Variants in MOCOS observed in about 807,000 individuals in gnomAD.
MOCOS encodes molybdenum cofactor sulfurase, also known as human molybdenum cofactor sulfurase.
Under a neutral mutation model 83.6 loss-of-function variants are expected in MOCOS, and 86 were observed. That is an observed-to-expected ratio of 1.03 (90% CI 0.86 to 1.23). The LOEUF (loss-of-function observed/expected upper bound fraction) is 1.23. Ranked by LOEUF, MOCOS falls within the 50% of genes most tolerant of loss-of-function variation. The probability of loss-of-function intolerance (pLI) is 0.00; values close to 1 mark genes in which losing one functional copy is unlikely to be tolerated. For synonymous variants in MOCOS, 445 were observed against 434.7 expected (o/e 1.02, Z -0.29); for missense variants, 1,120 against 1,126.9 (o/e 0.99, Z 0.09).
chr18:36,213,510 G>T (rs990388784), intron 7 of MOCOS, 28 bp downstream of exon 7: 1 of 1,581,902 alleles, frequency 6.3e-7, no homozygotes, highest in African/African-American at 1.3e-5. Flanking sequence ...CGATCCAGAC[G>T]CTGGTCAGCG....
Position 36,199,779 on chromosome 18 carries a change from A to G in MOCOS, c.396A>G (p.Pro132=), listed in dbSNP as rs766218146. Reference sequence around the variant, plus strand: ...TCAAACTGGTGGCAGAGGCCTTTCCATGGGTGTCCCAGGGCCCAGAGAGCA... The same window carrying G: ...TCAAACTGGTGGCAGAGGCCTTTCCGTGGGTGTCCCAGGGCCCAGAGAGCA... The part of the protein sequence containing the change: ...AALKLVAEAF[P]WVSQGPESSG... Residue 132 remains proline, a synonymous_variant, in exon 4 of 15, where the codon CCA becomes CCG. Coordinates refer to ENST00000261326, the MANE Select transcript of MOCOS (RefSeq NM_017947.4). 10 of 1,613,964 alleles carry G rather than the reference A, an allele frequency of 6.2e-6. No homozygotes were observed. In the South Asian group the frequency reaches 9.9e-5, roughly 16 times the overall value.
intron 9 of MOCOS, among the ~76,000 whole-genome samples, chr18:36,236,740 G>A (rs370184056): frequency 1.3e-4 from 19 of 141,704 alleles, no homozygotes; most frequent in Admixed American, 2.9e-4. Flanking sequence ...CCATTTTCAC[G>A]ATATTGATTC....
rs2091346388 is a variant in MOCOS, at chr18:36,187,613, G to T, written c.74G>T (p.Arg25Leu). Residue 25 changes from arginine (R) to leucine (L), a missense_variant, in exon 1 of 15, where the codon CGG becomes CTG. Coordinates refer to ENST00000261326, the MANE Select transcript of MOCOS (RefSeq NM_017947.4). The part of the protein sequence containing the change: ...FAGSRDPSAP[R>L]LAYGYGPGSL... ...GGTTCCCGGGACCCGAGCGCACCGC[G>T]GCTAGCCTACGGCTACGGCCCGGGC... 1.6e-6 allele frequency: 2 copies of T among 1,250,554 alleles called. No homozygotes were observed. Among genetic ancestry groups the T allele is most frequent in the Non-Finnish European group, 2.0e-6 (2 of 997,144 alleles). The allele number at this position is 1,250,554 out of a possible 1,614,324, so 77.5% of individuals were successfully genotyped here. A position where few individuals can be genotyped will look rare whatever the true frequency, so the allele number is the denominator to read the frequency against.
intron 9 of MOCOS, among the ~76,000 whole-genome samples, chr18:36,223,237 A>C (rs1199654330): frequency 6.6e-6 from 1 of 152,182 alleles, no homozygotes; most frequent in African/African-American, 2.4e-5. Context: ...TTGTGCTTAA[A>C]TCTCTAATCC....
chr18:36,266,228 C>T (rs1193882214), intron 13 of MOCOS, among the ~76,000 whole-genome samples: 3 of 152,060 alleles, frequency 2.0e-5, no homozygotes, highest in African/African-American at 4.8e-5. Context: ...CTCCGCCTCC[C>T]GGGTTCAAGT....
chr18:36,260,272 C>T, intron 13 of MOCOS, 97 bp downstream of exon 13: 1 of 1,487,566 alleles, frequency 6.7e-7, no homozygotes, highest in Non-Finnish European at 9.4e-7. Context: ...GACTCCCTCC[C>T]AGTCCTTGTC....
At chr18:36,220,993 C>A (rs55736287) in intron 9 of MOCOS, among the ~76,000 whole-genome samples, 5,210 of 151,262 alleles carry the variant, frequency 0.034, 147 homozygotes, top group Middle Eastern at 0.062. Context: ...ACTTAAGTTT[C>A]TTTTATTTTC....
At chr18:36,262,466 C>T (rs552418540) in intron 13 of MOCOS, among the ~76,000 whole-genome samples, 14 of 152,152 alleles carry the variant, frequency 9.2e-5, no homozygotes, top group East Asian at 1.9e-4. Context: ...TAGTCCAGCA[C>T]GAGCATTAAA....
In MOCOS at chr18:36,200,199, G is replaced by A. The variant is rs768200701; in HGVS notation, c.816G>A (p.Leu272=). 1.2e-6 allele frequency: 2 copies of A among 1,614,202 alleles called. No homozygotes were observed. Among genetic ancestry groups the A allele is most frequent in the South Asian group, 2.2e-5 (2 of 91,080 alleles). ...AGATCTTCGGGTTTCCTACAGGCCT[G>A]GGCGCTCTGCTGGTCCATAATCGTG... is the stretch of plus-strand genomic sequence containing the variant. ...FYKIFGFPTG[L]GALLVHNRAA... The change falls in exon 4 of 15, where the codon CTG becomes CTA. Residue 272 remains leucine (L), a synonymous_variant. Transcript: ENST00000261326.
At chr18:36,249,670 C>G (rs1457602613) in intron 10 of MOCOS, among the ~76,000 whole-genome samples, 1 of 152,094 alleles carries the variant, frequency 6.6e-6, no homozygotes, top group African/African-American at 2.4e-5. Context: ...GCCACATAAG[C>G]ACCTGTGTTA....
chr18:36,202,898 G>A (rs1438954386), intron 4 of MOCOS, among the ~76,000 whole-genome samples: 1 of 152,142 alleles, frequency 6.6e-6, no homozygotes, highest in Non-Finnish European at 1.5e-5. Context: ...AATGAGAACA[G>A]CAAGGGGGAA....
At chr18:36,232,004 TCA>T (rs1399118964) in intron 9 of MOCOS, among the ~76,000 whole-genome samples, 1 of 152,202 alleles carries the variant, frequency 6.6e-6, no homozygotes, top group Admixed American at 6.5e-5. Flanking sequence ...TCTCACTGTG[TCA>T]CCCAGGCTGG....
chr18:36,211,684 A>C lies in MOCOS; in HGVS notation c.1219-1682A>C, dbSNP rs548082443. 8.9e-4 allele frequency among the ~76,000 whole-genome samples: 136 copies of C among 152,188 alleles called. 2 individuals carry two copies. Among genetic ancestry groups the C allele is most frequent in the African/African-American group, 3.2e-3 (131 of 41,468 alleles). ...ATTCCCCAGGGCTGAGGGCAAGAAG[A>C]GACTGATGCATAAAAGGGAAATTAG... On this transcript the variant is annotated intron_variant, in intron 6 of 14. Coordinates refer to ENST00000261326, the MANE Select transcript of MOCOS (RefSeq NM_017947.4).
At chr18:36,187,707 G>C in intron 1 of MOCOS, 26 bp downstream of exon 1, 1 of 1,260,140 alleles carries the variant, frequency 7.9e-7, no homozygotes, top group Non-Finnish European at 1.0e-6. Flanking sequence ...AGGCTTGGGG[G>C]ACACGAGGTT....
At chr18:36,260,997 C>T (rs1231632591) in intron 13 of MOCOS, among the ~76,000 whole-genome samples, 1 of 151,938 alleles carries the variant, frequency 6.6e-6, no homozygotes, top group Non-Finnish European at 1.5e-5. Flanking sequence ...TCTGCTTATT[C>T]CTGCAGTGTG....
At chr18:36,198,542 AG>A in intron 2 of MOCOS, 147 bp from the exon 3 acceptor site, 1 of 780,348 alleles carries the variant, frequency 1.3e-6, no homozygotes, top group Non-Finnish European at 2.2e-6. Context: ...TTCATTTTTG[AG>A]GGATAGAAAT....
intron 2 of MOCOS, among the ~76,000 whole-genome samples, chr18:36,197,133 A>G (rs1466330035): frequency 2.0e-5 from 3 of 152,148 alleles, no homozygotes; most frequent in Non-Finnish European, 4.4e-5. Context: ...GTGGATGGCT[A>G]AGGGCAGCAC....
intron 9 of MOCOS, among the ~76,000 whole-genome samples, chr18:36,243,236 T>C (rs2091590660): frequency 6.6e-6 from 1 of 152,214 alleles, no homozygotes. Context: ...CAGTTTGACA[T>C]CCTCTTTACC....
intron 6 of MOCOS, among the ~76,000 whole-genome samples, chr18:36,210,440 A>G (rs780792029): frequency 9.9e-5 from 15 of 152,186 alleles, no homozygotes; most frequent in Non-Finnish European, 2.2e-4. Flanking sequence ...ACTAAGAAGC[A>G]CAATATTTTA....
Sources: gnomAD v4.1 joint callset for allele counts (sites outside exome capture counted in the v4.1 genomes callset) on GRCh38, gnomAD v4.1.1 for gene constraint, MANE v1.5 for transcripts, NCBI Gene and HGNC (gene_info 2026-07-23, HGNC 2026-07-21) for gene names.